The following C10orf120 variants were observed in gnomAD, a reference collection of about 807,000 sequenced individuals.
The protein encoded by C10orf120 is chromosome 10 open reading frame 120.
C10orf120 carries 15 observed loss-of-function variants against 10.8 expected under a neutral mutation model. The observed-to-expected ratio is 1.39, with a 90% CI of 0.93 to 2.14. C10orf120 has a LOEUF of 2.14. C10orf120 is among the 30% of genes most tolerant of loss of function. C10orf120 has a pLI of 0.00. For missense variants in C10orf120, 447 were observed against 411.3 expected, an observed-to-expected ratio of 1.09 and a Z score of -0.75; for synonymous variants, 141 against 138.9, an observed-to-expected ratio of 1.02 and a Z score of -0.11.
At position 122,697,796 on chromosome 10, in the gene C10orf120, G is replaced by A; in HGVS notation, c.945C>T (p.Tyr315=). 2 of 1,614,100 alleles carry A rather than the reference G, an allele frequency of 1.2e-6. No homozygotes were observed. The highest frequency in any genetic ancestry group is 1.7e-6 in the Non-Finnish European group (2 of 1,179,916). ...RDHFSDLVKT[Y]SLEEESIWKE... ...TCCAGATACTCTCTTCTTCCAGGCT[G>A]TAGGTCTTGACCAGATCACTGAAGT... The change falls in exon 3 of 3, where the codon TAC becomes TAT. Residue 315 remains tyrosine (Y), a synonymous_variant. Transcript: ENST00000329446.
At chr10:122,698,588 T>C (rs1591670245) in intron 2 of C10orf120, 100 bp from the exon 3 acceptor site, 5 of 1,106,962 alleles carry the variant, frequency 4.5e-6, no homozygotes, top group Non-Finnish European at 6.6e-6. Context: ...TTGTGGAAAG[T>C]GTTTGAGCCT....
Position 122,697,915 on chromosome 10 carries a change from T to G in C10orf120, c.826A>C (p.Ile276Leu). 9.9e-6 allele frequency: 16 copies of G among 1,614,212 alleles called. No individual in the cohort carries two copies. Among genetic ancestry groups the G allele is most frequent in the Non-Finnish European group, 1.4e-5 (16 of 1,180,022 alleles). The change falls in exon 3 of 3, where the codon ATC (isoleucine) becomes CTC (leucine). Residue 276 changes from isoleucine to leucine, a missense_variant. By Grantham distance (5) the Ile-to-Leu change is conservative. Coordinates refer to ENST00000329446, the MANE Select transcript of C10orf120 (RefSeq NM_001010912.4). ...AGATTTCGGTTTGTTAGGCCTGCGATGGACCGTTCCGGTTTCTTTGCGGGG... is the reference window on the plus strand; with the variant it reads ...AGATTTCGGTTTGTTAGGCCTGCGAGGGACCGTTCCGGTTTCTTTGCGGGG... ...FLPAKKPERS[I>L]AGLTNRNLFC...
At position 122,698,428 on chromosome 10, in the gene C10orf120, C is replaced by T. The variant is rs1206856973; in HGVS notation, c.313G>A (p.Glu105Lys). The T allele has an allele frequency of 6.2e-7, 1 of 1,614,208 alleles. No individual in the cohort carries two copies. Residue 105 changes from glutamate to lysine, a missense_variant, in exon 3 of 3, where the codon GAA (glutamate) becomes AAA (lysine). Transcript: ENST00000329446. ...RRLLAYKQEE[E>K]CRMLKELQLL... ...TGTAGTTCCTTGAGCATTCTGCATT[C>T]TTCCTCTTGCTTGTAAGCCAAAAGC...
In C10orf120 at chr10:122,699,704, C is replaced by G; in HGVS notation, c.87G>C (p.Lys29Asn). The change falls in exon 1 of 3, where the codon AAG (lysine) becomes AAC (asparagine). Residue 29 changes from lysine to asparagine, a missense_variant. Physicochemically the swap from Lys to Asn is moderately conservative, Grantham distance 94. Transcript: ENST00000329446. ...AGTTGGTATTAAATATTCTAACTGG[C>G]TTTTCATTCTTCCTTTCTTGCACCA... ...DTMVQERKNE[K>N]PVRIFNTNSS... The G allele has an allele frequency of 6.2e-7, 1 of 1,613,898 alleles. No homozygotes were observed. The highest frequency in any genetic ancestry group is 8.5e-7 in the Non-Finnish European group (1 of 1,179,756).
chr10:122,697,781 CTCT>C lies in C10orf120; in HGVS notation c.957_959del (p.Glu320del), dbSNP rs781133799. On this transcript the variant is annotated inframe_deletion, in exon 3 of 3. Coordinates refer to ENST00000329446, the MANE Select transcript of C10orf120 (RefSeq NM_001010912.4). ...TACGCATGCGCTCTTTCCAGATACTCTCTTCTTCCAGGCTGTAGGTCTTGACCA... is the reference window on the plus strand; with the variant it reads ...TACGCATGCGCTCTTTCCAGATACTCTCTTCCAGGCTGTAGGTCTTGACCA... 2.5e-6 allele frequency: 4 copies of C among 1,614,054 alleles called. No individual in the cohort carries two copies. Among genetic ancestry groups the C allele is most frequent in the African/African-American group, 1.3e-5 (1 of 74,950 alleles).
intron 2 of C10orf120, 134 bp downstream of exon 2, chr10:122,699,203 G>GCAGATT: frequency 2.3e-6 from 1 of 429,904 alleles, no homozygotes; most frequent in South Asian, 3.0e-5. Context: ...GAAGCCACTA[G>GCAGATT]CAGATTCAGC....
In C10orf120 at chr10:122,697,995, G is replaced by A. The variant is rs992805376; in HGVS notation, c.746C>T (p.Ser249Leu). ...REIKMNVVFK[S>L]KEPKKCLTYH... ...TGTTAAACATTTTTTTGGTTCTTTT[G>A]ACTTGAAAACTACATTCATTTTTAT... Residue 249 changes from serine to leucine, a missense_variant, in exon 3 of 3, where the codon TCA becomes TTA. By Grantham distance (145) the Ser-to-Leu change is moderately radical (BLOSUM62 -2). Transcript: ENST00000329446. 6.2e-7 allele frequency: 1 copy of A among 1,608,252 alleles called. No individual in the cohort carries two copies. Among genetic ancestry groups the A allele is most frequent in the African/African-American group, 1.3e-5 (1 of 74,404 alleles).
At position 122,698,263 on chromosome 10, in the gene C10orf120, CTCGTTG is replaced by C; in HGVS notation, c.472_477del (p.Gln158_Arg159del). The C allele has an allele frequency of 6.2e-7, 1 of 1,614,208 alleles. No homozygotes were observed. Among genetic ancestry groups the C allele is most frequent in the Non-Finnish European group, 8.5e-7 (1 of 1,180,046 alleles). ...ATGTGCTTACTGACGTTCACCTGCT[CTCGTTG>C]TGGCATTTTAAATGCCTCCAGGGGC... On this transcript the variant is annotated inframe_deletion, in exon 3 of 3. Transcript: ENST00000329446.
chr10:122,698,622 C>A (rs1409657207), intron 2 of C10orf120, 134 bp from the exon 3 acceptor site: 14 of 773,952 alleles, frequency 1.8e-5, no homozygotes, highest in Non-Finnish European at 2.8e-5. Context: ...AACAGGTGAA[C>A]CTTTGGCGTC....
chr10:122,697,973 TA>T lies in C10orf120; in HGVS notation c.767del (p.Leu256Ter), dbSNP rs1438112799. On this transcript the variant is annotated frameshift_variant, in exon 3 of 3. Coordinates refer to ENST00000329446, the MANE Select transcript of C10orf120 (RefSeq NM_001010912.4). LOFTEE classifies it low-confidence loss of function (END_TRUNC). Reference protein sequence around the residue: ...VFKSKEPKKCLTYHGNDRKSF... With the variant: ...VFKSKEPKKCXTYHGNDRKSF... ...ATTTGCGATCATTTCCATGGTATGT[TA>T]AACATTTTTTTGGTTCTTTTGACTT... 1 of 1,611,078 alleles carries T rather than the reference TA, an allele frequency of 6.2e-7. No individual in the cohort carries two copies. Among genetic ancestry groups the T allele is most frequent in the Non-Finnish European group, 8.5e-7 (1 of 1,179,158 alleles).
chr10:122,698,497 G>A lies in C10orf120; in HGVS notation c.253-9C>T, dbSNP rs777933203. ...TGAATGCCACCTAGACGCTGACAATGGAGAAAGGACTATTAAAATCTCAAG... is the reference window on the plus strand; with the variant it reads ...TGAATGCCACCTAGACGCTGACAATAGAGAAAGGACTATTAAAATCTCAAG... On this transcript the variant is annotated splice_polypyrimidine_tract_variant and intron_variant, in intron 2 of 2. Transcript: ENST00000329446. 3 of 1,613,596 alleles carry A rather than the reference G, an allele frequency of 1.9e-6. No individual in the cohort carries two copies. The East Asian group carries it at 6.7e-5, about 36-fold the overall frequency.
In C10orf120 at chr10:122,699,683, G is replaced by C. The variant is rs1427015785; in HGVS notation, c.108C>G (p.Thr36=). Residue 36 remains threonine, a synonymous_variant, in exon 1 of 3, where the codon ACC becomes ACG. Coordinates refer to ENST00000329446, the MANE Select transcript of C10orf120 (RefSeq NM_001010912.4). ...GGGCTTGATCCTGAAAGGAAGAGTT[G>C]GTATTAAATATTCTAACTGGCTTTT... ...KNEKPVRIFN[T]NSSFQDQAPT... is the part of the protein sequence containing the mutation. 2 of 1,613,564 alleles carry C rather than the reference G, an allele frequency of 1.2e-6. No homozygotes were observed. The highest frequency in any genetic ancestry group is 1.7e-6 in the Non-Finnish European group (2 of 1,179,666).
chr10:122,697,886 GA>G lies in C10orf120; in HGVS notation c.854del (p.Phe285SerfsTer10), dbSNP rs769835062. 4 of 1,614,106 alleles carry G rather than the reference GA, an allele frequency of 2.5e-6. No individual in the cohort carries two copies. Among genetic ancestry groups the G allele is most frequent in the Non-Finnish European group, 3.4e-6 (4 of 1,180,056 alleles). On this transcript the variant is annotated frameshift_variant, in exon 3 of 3. Coordinates refer to ENST00000329446, the MANE Select transcript of C10orf120 (RefSeq NM_001010912.4). LOFTEE classifies it low-confidence loss of function (END_TRUNC). ...SIAGLTNRNL[F>X]CISEFPGDLM... The stretch of plus-strand genomic sequence containing the variant: ...AGTCACCAGGGAATTCTGATATGCA[GA>G]AAAGATTTCGGTTTGTTAGGCCTGC...
In C10orf120 at chr10:122,699,461, A is replaced by G. The variant is rs1203699040; in HGVS notation, c.177-49T>C. 16 of 1,535,662 alleles carry G rather than the reference A, an allele frequency of 1.0e-5. No individual in the cohort carries two copies. The Admixed American group carries it at 2.5e-4, about 24-fold the overall frequency. On this transcript the variant is annotated intron_variant, in intron 1 of 2. Coordinates refer to ENST00000329446, the MANE Select transcript of C10orf120 (RefSeq NM_001010912.4). The stretch of plus-strand genomic sequence containing the variant: ...TCAGAATTCTGGAAAGGCTCTTCCT[A>G]CTTTTCCCTCCTGGAGTGGGAAGGC...
In C10orf120 at chr10:122,699,768, T is replaced by C. The variant is rs1238723659; in HGVS notation, c.23A>G (p.Asp8Gly). MIREWKN[D>G]CQRIEKQRAS... ...CCTCTGTTTTTCAATCCTCTGACAGTCATTCTTCCATTCTCTGATCATACT... is the reference window on the plus strand; with the variant it reads ...CCTCTGTTTTTCAATCCTCTGACAGCCATTCTTCCATTCTCTGATCATACT... Residue 8 changes from aspartate (D) to glycine (G), a missense_variant, in exon 1 of 3, where the codon GAC (aspartate) becomes GGC (glycine). Asp to Gly is a moderately conservative substitution (Grantham distance 94, BLOSUM62 -1). Coordinates refer to ENST00000329446, the MANE Select transcript of C10orf120 (RefSeq NM_001010912.4). 6.2e-7 allele frequency: 1 copy of C among 1,613,342 alleles called. No individual in the cohort carries two copies. The highest frequency in any genetic ancestry group is 1.7e-5 in the Admixed American group (1 of 59,956).
chr10:122,699,812 G>C lies in C10orf120; in HGVS notation c.-22C>G, dbSNP rs191099385. ...TCATACTCCGGCAATAAGCTAGGACGGGAGGTGTTCACACCTGGAGTTTGT... is the reference window on the plus strand; with the variant it reads ...TCATACTCCGGCAATAAGCTAGGACCGGAGGTGTTCACACCTGGAGTTTGT... On this transcript the variant is annotated 5_prime_UTR_variant, in exon 1 of 3. Coordinates refer to ENST00000329446, the MANE Select transcript of C10orf120 (RefSeq NM_001010912.4). 140 of 1,598,318 alleles carry C rather than the reference G, an allele frequency of 8.8e-5. 1 individual carries two copies. In the African/African-American group the frequency reaches 1.7e-3, roughly 19 times the overall value.
intron 2 of C10orf120, 71 bp from the exon 3 acceptor site, chr10:122,698,559 G>T: frequency 7.0e-7 from 1 of 1,431,402 alleles, no homozygotes; most frequent in Non-Finnish European, 9.7e-7. Context: ...AAACTTGCTA[G>T]TGGCTGGTTC....
At position 122,698,385 on chromosome 10, in the gene C10orf120, T is replaced by C. The variant is rs1161972467; in HGVS notation, c.356A>G (p.Tyr119Cys). 1 of 1,614,076 alleles carries C rather than the reference T, an allele frequency of 6.2e-7. No individual in the cohort carries two copies. The highest frequency in any genetic ancestry group is 8.5e-7 in the Non-Finnish European group (1 of 1,180,004). The change falls in exon 3 of 3, where the codon TAC (tyrosine) becomes TGC (cysteine). Residue 119 changes from tyrosine to cysteine, a missense_variant. Coordinates refer to ENST00000329446, the MANE Select transcript of C10orf120 (RefSeq NM_001010912.4). ...LKELQLLSPDYKQAMEYKKKH... is the reference protein window; with the variant it reads ...LKELQLLSPDCKQAMEYKKKH... ...CTTTTTATACTCCATTGCTTGTTTGTAGTCCGGAGACAGCAACTGTAGTTC... is the reference window on the plus strand; with the variant it reads ...CTTTTTATACTCCATTGCTTGTTTGCAGTCCGGAGACAGCAACTGTAGTTC...
intron 1 of C10orf120, 26 bp downstream of exon 1, chr10:122,699,589 C>A (rs201227597): frequency 4.4e-6 from 7 of 1,584,504 alleles, no homozygotes; most frequent in Middle Eastern, 1.8e-4. Context: ...CTGACATGGA[C>A]AGACTAAAGT....
Sources: allele counts gnomAD v4.1 joint callset, GRCh38; gene constraint gnomAD v4.1.1; transcripts MANE v1.5; gene names NCBI Gene and HGNC (gene_info 2026-07-23, HGNC 2026-07-21).